Variants in SUGCT observed in about 807,000 individuals in gnomAD.
SUGCT encodes the protein succinyl-CoA:glutarate CoA-transferase.
Under a neutral mutation model 55.0 loss-of-function variants are expected in SUGCT, and 41 were observed. The observed-to-expected ratio is 0.74, with a 90% CI of 0.58 to 0.97. The LOEUF (loss-of-function observed/expected upper bound fraction) is 0.97. Among genes scored for constraint, SUGCT ranks in the 50% least tolerant of loss-of-function variants. The pLI is 0.00. For synonymous variants in SUGCT, 187 were observed against 200.4 expected (o/e 0.93, Z 0.56); for missense variants, 568 against 547.8 (o/e 1.04, Z -0.37).
At chr7:40,435,734 C>G (rs189629241) in intron 9 of SUGCT, among the ~76,000 whole-genome samples, 3 of 152,076 alleles carry the variant, frequency 2.0e-5, no homozygotes, top group African/African-American at 7.2e-5. Context: ...TGTCCCTCCA[C>G]GCTTTGCCTT....
chr7:40,367,070 G>A (rs1583524209), intron 9 of SUGCT, among the ~76,000 whole-genome samples: 1 of 151,960 alleles, frequency 6.6e-6, no homozygotes, highest in African/African-American at 2.4e-5. Context: ...ATACACCATG[G>A]AATACTATGC....
intron 12 of SUGCT, among the ~76,000 whole-genome samples, chr7:40,722,933 G>T (rs926726699): frequency 3.9e-5 from 6 of 152,150 alleles, no homozygotes; most frequent in Middle Eastern, 6.8e-3. Context: ...AGTTATGTTT[G>T]CCATCTGAAA....
intron 12 of SUGCT, among the ~76,000 whole-genome samples, chr7:40,597,332 A>C (rs1171466603): frequency 6.6e-6 from 1 of 152,154 alleles, no homozygotes; most frequent in Non-Finnish European, 1.5e-5. Flanking sequence ...AGTTCAGATA[A>C]GTTTTTTTTT....
At chr7:40,539,078 CA>C (rs34855051) in intron 12 of SUGCT, 11,423 of 103,506 alleles carry the variant, frequency 0.11, 532 homozygotes, top group Non-Finnish European at 0.15. Flanking sequence ...GACTCCATCT[CA>C]AAAAAAAAAA....
At chr7:40,379,353 C>T (rs1323615145) in intron 9 of SUGCT, among the ~76,000 whole-genome samples, 1 of 152,178 alleles carries the variant, frequency 6.6e-6, no homozygotes, top group African/African-American at 2.4e-5. Context: ...TCTGGTAAGT[C>T]TAACATCTGG....
At chr7:40,827,227 GA>G (rs1792359259) in intron 13 of SUGCT, among the ~76,000 whole-genome samples, 1 of 152,156 alleles carries the variant, frequency 6.6e-6, no homozygotes, top group Non-Finnish European at 1.5e-5. Context: ...TGGGTCAAAT[GA>G]AAACCCATAG....
intron 9 of SUGCT, among the ~76,000 whole-genome samples, chr7:40,415,061 A>ATCTATCC (rs59583043): frequency 3.1e-5 from 2 of 63,586 alleles, no homozygotes; most frequent in African/African-American, 1.4e-4. Context: ...AAAAAAAAAA[A>ATCTATCC]ATCTATCTAT....
At chr7:40,659,960 G>A (rs1216168620) in intron 12 of SUGCT, among the ~76,000 whole-genome samples, 1 of 152,180 alleles carries the variant, frequency 6.6e-6, no homozygotes, top group East Asian at 1.9e-4. Flanking sequence ...TATGGTTGGT[G>A]TGTGAGGCCA....
At chr7:40,564,600 G>C (rs1039450533) in intron 12 of SUGCT, among the ~76,000 whole-genome samples, 13 of 152,138 alleles carry the variant, frequency 8.5e-5, no homozygotes, top group African/African-American at 3.1e-4. Context: ...TTTTCCTACT[G>C]GAGATATGTC....
chr7:40,513,870 A>G (rs1793084404), intron 12 of SUGCT, among the ~76,000 whole-genome samples: 1 of 148,400 alleles, frequency 6.7e-6, no homozygotes, highest in South Asian at 2.1e-4. Flanking sequence ...GCTCACTGCA[A>G]ACTCTGTCTC....
downstream of SUGCT, among the ~76,000 whole-genome samples, chr7:40,861,301 T>A (rs1035459876): frequency 6.6e-6 from 1 of 152,226 alleles, no homozygotes; most frequent in African/African-American, 2.4e-5. Context: ...AATTTATACA[T>A]CATGACAGAT....
chr7:40,967,631 T>TTA, the SUGCT span, among the ~76,000 whole-genome samples: 1 of 151,946 alleles, frequency 6.6e-6, no homozygotes, highest in South Asian at 2.1e-4. Flanking sequence ...GAATTCTTTT[T>TTA]TTTTTTTGAG....
chr7:40,794,058 T>C (rs994858399), intron 13 of SUGCT, among the ~76,000 whole-genome samples: 1 of 152,148 alleles, frequency 6.6e-6, no homozygotes, highest in Non-Finnish European at 1.5e-5. Context: ...TTTTAAAACG[T>C]TTATATGTTG....
At chr7:40,280,267 T>C (rs1480783921) in intron 8 of SUGCT, among the ~76,000 whole-genome samples, 1 of 152,192 alleles carries the variant, frequency 6.6e-6, no homozygotes. Context: ...CAAAAATTCT[T>C]TTGATTTTTT....
chr7:41,007,631 CT>C, the SUGCT span, among the ~76,000 whole-genome samples: 3 of 152,198 alleles, frequency 2.0e-5, no homozygotes, highest in African/African-American at 7.2e-5. Context: ...TGACTTTGAA[CT>C]TTTGGTGAAA....
In SUGCT at chr7:40,439,068, A is replaced by ATATATGTGTGTG. The variant is rs1417774581; in HGVS notation, c.817-10214_817-10213insGTGTGTGTATAT. On this transcript the variant is annotated intron_variant, in intron 9 of 13. Coordinates refer to ENST00000335693, the MANE Select transcript of SUGCT (RefSeq NM_001193313.2). ...TATATATGGTATATATATGGTGTATATATATATATATATATATATATATAT... is the reference window on the plus strand; with the variant it reads ...TATATATGGTATATATATGGTGTATATATATGTGTGTGTATATATATATATATATATATATAT... 2.4e-3 allele frequency among the ~76,000 whole-genome samples: 81 copies of ATATATGTGTGTG among 34,464 alleles called. 8 individuals carry two copies. The highest frequency in any genetic ancestry group is 0.013 in the Middle Eastern group (1 of 76). 22.6% of individuals were successfully genotyped at this position (34,464 alleles called of 152,430 possible).
intron 11 of SUGCT, among the ~76,000 whole-genome samples, chr7:40,471,858 A>C (rs1387800859): frequency 6.6e-6 from 1 of 152,128 alleles, no homozygotes; most frequent in Non-Finnish European, 1.5e-5. Context: ...AGAGACTATT[A>C]AAATAGGTCA....
chr7:40,747,210 G>A (rs1323887084), intron 12 of SUGCT, among the ~76,000 whole-genome samples: 4 of 152,188 alleles, frequency 2.6e-5, no homozygotes, highest in African/African-American at 9.7e-5. Context: ...TCCTCAATGA[G>A]GGAGGTTGAC....
At chr7:40,810,755 C>A (rs1299507266) in intron 13 of SUGCT, among the ~76,000 whole-genome samples, 1 of 152,102 alleles carries the variant, frequency 6.6e-6, no homozygotes, top group Non-Finnish European at 1.5e-5. Context: ...TGTGCAGAAG[C>A]TCTTATTTTA....
Sources: allele counts gnomAD v4.1 joint callset (sites outside exome capture counted in the v4.1 genomes callset), GRCh38; gene constraint gnomAD v4.1.1; transcripts MANE v1.5; gene names NCBI Gene and HGNC (gene_info 2026-07-23, HGNC 2026-07-21).